Variants in OSBPL9 observed in about 807,000 individuals in gnomAD.
The protein encoded by OSBPL9 is oxysterol-binding protein-related protein 9.
Under a neutral mutation model 106.6 loss-of-function variants are expected in OSBPL9, and 40 were observed. The observed-to-expected ratio is 0.38, with a 90% CI of 0.29 to 0.49. The LOEUF is 0.49. Among genes scored for constraint, OSBPL9 ranks in the 20% least tolerant of loss-of-function variants. The probability of loss-of-function intolerance (pLI) is 0.97; values close to 1 mark genes in which losing one functional copy is unlikely to be tolerated. For synonymous variants in OSBPL9, 269 were observed against 295.4 expected (o/e 0.91, Z 0.92); for missense variants, 609 against 887.2 (o/e 0.69, Z 3.98).
Position 51,770,164 on chromosome 1 carries a change from C to G in OSBPL9, c.939-1906C>G, listed in dbSNP as rs553444268. On this transcript the variant is annotated intron_variant, in intron 12 of 23. Coordinates refer to ENST00000428468, the MANE Select transcript of OSBPL9 (RefSeq NM_024586.6). ...TTTTTTTTTTTTTTTGAGACAGAAT[C>G]TCACTCTGTCGCCCAAACTGGAGCT... 5.9e-4 allele frequency among the ~76,000 whole-genome samples: 87 copies of G among 148,654 alleles called. 2 individuals carry two copies. The highest frequency in any genetic ancestry group is 4.7e-3 in the Admixed American group (69 of 14,836).
Position 51,787,501 on chromosome 1 carries a change from G to GC in OSBPL9, c.2136+17dup. 6.2e-7 allele frequency: 1 copy of GC among 1,613,782 alleles called. No individual in the cohort carries two copies. The highest frequency in any genetic ancestry group is 8.5e-7 in the Non-Finnish European group (1 of 1,179,808). On this transcript the variant is annotated intron_variant, in intron 23 of 23. Coordinates refer to ENST00000428468, the MANE Select transcript of OSBPL9 (RefSeq NM_024586.6). ...GTGGGAGACAAGGGTAAGCTTGCCT[G>GC]CCCCACCCTCCTAAGTGCTGTTCCT...
intron 15 of OSBPL9, among the ~76,000 whole-genome samples, chr1:51,780,580 T>C (rs1392879765): frequency 6.6e-6 from 1 of 151,274 alleles, no homozygotes; most frequent in East Asian, 1.9e-4. Flanking sequence ...CTAGATGGAG[T>C]TGGAAACCAT....
chr1:51,557,734 A>G, the OSBPL9 span, among the ~76,000 whole-genome samples: 1 of 152,252 alleles, frequency 6.6e-6, no homozygotes, highest in African/African-American at 2.4e-5. Context: ...TGTTCTCATC[A>G]GTAAAATGGC....
At chr1:51,748,550 A>T (rs1668524552) in intron 7 of OSBPL9, 152 bp downstream of exon 7, 71 of 828,242 alleles carry the variant, frequency 8.6e-5, no homozygotes, top group East Asian at 2.0e-4. Flanking sequence ...ATTTTTTTTT[A>T]AAGGAATTTA....
chr1:51,713,894 A>G, intron 3 of OSBPL9, 109 bp from the exon 4 acceptor site: 2 of 848,558 alleles, frequency 2.4e-6, no homozygotes, highest in Non-Finnish European at 3.6e-6. Context: ...AAATGGTACA[A>G]CTAAAAACCT....
chr1:51,643,415 G>A (rs1289939702), intron 1 of OSBPL9, among the ~76,000 whole-genome samples: 1 of 152,178 alleles, frequency 6.6e-6, no homozygotes, highest in Non-Finnish European at 1.5e-5. Context: ...GAATTAGCCA[G>A]TAAAAAGAGT....
At chr1:51,651,015 G>A (rs1379520801) in intron 1 of OSBPL9, among the ~76,000 whole-genome samples, 2 of 152,158 alleles carry the variant, frequency 1.3e-5, no homozygotes, top group African/African-American at 4.8e-5. Flanking sequence ...ACCCCCTAAG[G>A]TATGTGTAGT....
chr1:51,727,212 G>C lies in OSBPL9; in HGVS notation c.318+13133G>C, dbSNP rs181232692. 3.8e-3 allele frequency among the ~76,000 whole-genome samples: 577 copies of C among 150,620 alleles called. 3 individuals carry two copies. Among genetic ancestry groups the C allele is most frequent in the Non-Finnish European group, 4.9e-3 (335 of 67,846 alleles). On this transcript the variant is annotated intron_variant, in intron 4 of 23. Transcript: ENST00000428468. ...GGAATTAAGTCCCTAGGGCTGCCCA[G>C]GCACAACATTAACTGCTATTAAAGG... is the stretch of plus-strand genomic sequence containing the variant.
Position 51,609,340 on chromosome 1 carries a change from T to TC in OSBPL9, c.-352-4963dup, listed in dbSNP as rs201141799. On this transcript the variant is annotated intron_variant, in intron 2 of 25. Coordinates refer to the OSBPL9 transcript ENST00000371714. ...CCTATGCCTTCAGCTACCTTCTCTC[T>TC]CCTTTTTTTTTTTTTTTTTTAGAGA... is the stretch of plus-strand genomic sequence containing the variant. 4.0e-3 allele frequency among the ~76,000 whole-genome samples: 584 copies of TC among 146,274 alleles called. 4 individuals carry two copies. The highest frequency in any genetic ancestry group is 0.014 in the African/African-American group (534 of 39,184).
intron 4 of OSBPL9, chr1:51,740,047 A>G: frequency 6.8e-7 from 1 of 1,471,694 alleles, no homozygotes; most frequent in Non-Finnish European, 9.2e-7. Flanking sequence ...CTGTGTAGTT[A>G]CAGATTTTTC....
intron 1 of OSBPL9, among the ~76,000 whole-genome samples, chr1:51,633,447 C>A (rs1645229238): frequency 6.6e-6 from 1 of 151,524 alleles, no homozygotes; most frequent in Admixed American, 6.6e-5. Context: ...TGTGGTGATG[C>A]ATGCCTGTGG....
At chr1:51,653,030 G>C (rs1196013764) in intron 2 of OSBPL9, among the ~76,000 whole-genome samples, 4 of 152,076 alleles carry the variant, frequency 2.6e-5, no homozygotes, top group Non-Finnish European at 5.9e-5. Context: ...TGATAGAACT[G>C]GGAAATACCG....
At chr1:51,711,668 C>G (rs1659979015) in intron 3 of OSBPL9, among the ~76,000 whole-genome samples, 1 of 135,456 alleles carries the variant, frequency 7.4e-6, no homozygotes, top group Non-Finnish European at 1.6e-5. Flanking sequence ...GGGTGGTTGC[C>G]AGGCAGAGGG....
chr1:51,636,504 ATTTTTGTAT>A (rs1205294477), intron 1 of OSBPL9, among the ~76,000 whole-genome samples: 1 of 151,904 alleles, frequency 6.6e-6, no homozygotes, highest in Admixed American at 6.6e-5. Flanking sequence ...CACCAGGCTC[ATTTTTGTAT>A]TTTTTGTAGA....
intron 12 of OSBPL9, among the ~76,000 whole-genome samples, chr1:51,771,776 T>C (rs948404230): frequency 2.0e-5 from 3 of 152,202 alleles, no homozygotes; most frequent in African/African-American, 7.2e-5. Flanking sequence ...TTGCCAAGAA[T>C]TGTGACATAT....
At chr1:51,596,073 A>G (rs990389588) in intron 1 of OSBPL9, among the ~76,000 whole-genome samples, 2 of 151,866 alleles carry the variant, frequency 1.3e-5, no homozygotes, top group Admixed American at 6.6e-5. Flanking sequence ...CCTGGCCAAC[A>G]TGGTGAAACC....
chr1:51,584,266 C>T (rs528302066), intron 1 of OSBPL9, among the ~76,000 whole-genome samples: 1 of 152,298 alleles, frequency 6.6e-6, no homozygotes, highest in African/African-American at 2.4e-5. Context: ...CACTTGGCAG[C>T]TTGTAGCAGT....
intron 2 of OSBPL9, among the ~76,000 whole-genome samples, chr1:51,609,285 C>G (rs1028787812): frequency 4.6e-5 from 7 of 151,744 alleles, no homozygotes; most frequent in African/African-American, 1.7e-4. Context: ...GAACCATACA[C>G]TCTATCCACA....
intron 1 of OSBPL9, among the ~76,000 whole-genome samples, chr1:51,644,614 C>T (rs1174972047): frequency 6.6e-6 from 1 of 152,160 alleles, no homozygotes; most frequent in Non-Finnish European, 1.5e-5. Flanking sequence ...AGAGGTGAGC[C>T]ACCGCGCCCA....
Sources: allele counts gnomAD v4.1 joint callset (sites outside exome capture counted in the v4.1 genomes callset), GRCh38; gene constraint gnomAD v4.1.1; transcripts MANE v1.5; gene names NCBI Gene and HGNC (gene_info 2026-07-23, HGNC 2026-07-21).